Variants in C5 observed in about 807,000 individuals in gnomAD.
C5 encodes the protein C3 and PZP-like alpha-2-macroglobulin domain-containing protein 4.
Under a neutral mutation model 218.8 loss-of-function variants are expected in C5, and 140 were observed. The ratio of observed to expected loss-of-function variants is 0.64; its 90% CI spans 0.56 to 0.74. The LOEUF (loss-of-function observed/expected upper bound fraction) is 0.74. Ranked by LOEUF, C5 falls within the 30% of genes least tolerant of loss-of-function variation. The probability of loss-of-function intolerance (pLI) is 0.00; values close to 1 mark genes in which losing one functional copy is unlikely to be tolerated. For missense variants in C5, 1,700 were observed against 1,969.6 expected, an observed-to-expected ratio of 0.86 and a Z score of 2.59; for synonymous variants, 614 against 682.3, an observed-to-expected ratio of 0.90 and a Z score of 1.56.
chr9:121,016,427 TC>T, intron 14 of C5, 44 bp from the exon 15 acceptor site: 1 of 1,611,280 alleles, frequency 6.2e-7, no homozygotes, highest in Non-Finnish European at 8.5e-7. Context: ...GATGTATAAA[TC>T]ATTCCTCTAA....
At chr9:121,005,330 A>G (rs2131738138) in intron 20 of C5, among the ~76,000 whole-genome samples, 1 of 152,316 alleles carries the variant, frequency 6.6e-6, no homozygotes, top group South Asian at 2.1e-4. Context: ...GGTGAATTCT[A>G]ATCTGAACAA....
At chr9:120,963,602 GCA>G (rs749413990) in intron 34 of C5, 32 bp downstream of exon 34, 6 of 1,349,144 alleles carry the variant, frequency 4.4e-6, no homozygotes, top group Non-Finnish European at 5.3e-6. Flanking sequence ...AGAAAATGAA[GCA>G]TTCACAACAC....
intron 5 of C5, among the ~76,000 whole-genome samples, chr9:121,033,067 C>G (rs376575005): frequency 1.4e-5 from 2 of 146,264 alleles, no homozygotes; most frequent in Non-Finnish European, 3.0e-5. Flanking sequence ...TGTATACACA[C>G]ATATATATAC....
Position 121,017,744 on chromosome 9 carries a change from G to C in C5, c.1615C>G (p.Arg539Gly), listed in dbSNP as rs543940994. Reference protein sequence around the residue: ...PVTQNMVPSSRLLVYYIVTGE... With the variant: ...PVTQNMVPSSGLLVYYIVTGE... ...GTGACGATGTAATAGACCAGAAGTC[G>C]GGATGAAGGAACCATGTTCTGTGTT... Residue 539 changes from arginine (R) to glycine (G), a missense_variant, in exon 13 of 41, where the codon CGA (arginine) becomes GGA (glycine). Coordinates refer to ENST00000223642, the MANE Select transcript of C5 (RefSeq NM_001735.3). The C allele has an allele frequency of 6.2e-7, 1 of 1,611,552 alleles. No individual in the cohort carries two copies. Among genetic ancestry groups the C allele is most frequent in the Non-Finnish European group, 8.5e-7 (1 of 1,177,792 alleles).
intron 4 of C5, among the ~76,000 whole-genome samples, chr9:121,035,776 A>G (rs904130745): frequency 6.6e-6 from 1 of 151,614 alleles, no homozygotes; most frequent in Non-Finnish European, 1.5e-5. Flanking sequence ...AGGTCTCTCC[A>G]GGTTGCCCAG....
intron 16 of C5, among the ~76,000 whole-genome samples, chr9:121,014,955 T>A (rs960089767): frequency 6.6e-5 from 10 of 152,192 alleles, no homozygotes; most frequent in Non-Finnish European, 1.5e-4. Context: ...AAATAAAAGC[T>A]AATATTTTGG....
At chr9:120,960,495 GT>G (rs1440865217) in intron 37 of C5, among the ~76,000 whole-genome samples, 158 bp from the exon 38 acceptor site, 1 of 152,134 alleles carries the variant, frequency 6.6e-6, no homozygotes, top group Non-Finnish European at 1.5e-5. Context: ...CTTTCATAAA[GT>G]GAAATATTAC....
intron 18 of C5, among the ~76,000 whole-genome samples, chr9:121,008,045 A>C (rs1157250678): frequency 6.6e-6 from 1 of 152,204 alleles, no homozygotes; most frequent in Non-Finnish European, 1.5e-5. Context: ...AAACTTTAAA[A>C]AGAAAACTTT....
rs149315914 is a variant in C5, at chr9:120,978,605, T to A, written c.3658+1478A>T. On this transcript the variant is annotated intron_variant, in intron 28 of 40. Coordinates refer to ENST00000223642, the MANE Select transcript of C5 (RefSeq NM_001735.3). ...AATTTTAAAATGATGGCACAAATCA[T>A]ATTTTGTAGATGGTCATAAACCTCA... Among the ~76,000 whole-genome samples the A allele has an allele frequency of 2.4e-3, 361 of 152,342 alleles. 7 individuals carry two copies. Among genetic ancestry groups the A allele is most frequent in the Middle Eastern group, 0.01 (3 of 292 alleles).
At chr9:121,042,766 T>G (rs1055074706) in intron 3 of C5, among the ~76,000 whole-genome samples, 1 of 152,152 alleles carries the variant, frequency 6.6e-6, no homozygotes, top group African/African-American at 2.4e-5. Context: ...TGGAAATAAG[T>G]GATGGGGCAG....
At chr9:121,068,954 C>T in the C5 span, among the ~76,000 whole-genome samples, 1 of 152,136 alleles carries the variant, frequency 6.6e-6, no homozygotes, top group Non-Finnish European at 1.5e-5. Flanking sequence ...TAGATCCCTA[C>T]ATCTCCCCCT....
At chr9:121,051,387 G>A (rs1043869569), upstream of C5, among the ~76,000 whole-genome samples, 2 of 152,096 alleles carry the variant, frequency 1.3e-5, no homozygotes. Flanking sequence ...GCCTCCCAAA[G>A]TACTGGGATT....
intron 16 of C5, among the ~76,000 whole-genome samples, chr9:121,014,980 A>AG (rs2047294024): frequency 2.0e-5 from 3 of 152,226 alleles, no homozygotes; most frequent in Admixed American, 1.3e-4. Context: ...TAGAGCTTGA[A>AG]GTAATAAAGA....
intron 37 of C5, among the ~76,000 whole-genome samples, chr9:120,960,747 G>A (rs2046821264): frequency 6.6e-6 from 1 of 152,110 alleles, no homozygotes; most frequent in South Asian, 2.1e-4. Context: ...CTTCCAATGT[G>A]GCCCACTGAA....
At chr9:121,021,229 G>A (rs2047362587) in intron 11 of C5, among the ~76,000 whole-genome samples, 1 of 152,190 alleles carries the variant, frequency 6.6e-6, no homozygotes, top group Non-Finnish European at 1.5e-5. Context: ...CATGTGCACT[G>A]CTATACCTAT....
At position 121,034,845 on chromosome 9, in the gene C5, C is replaced by T. The variant is rs780480348; in HGVS notation, c.542G>A (p.Gly181Glu). The stretch of plus-strand genomic sequence containing the variant: ...CTTGAAGTCAGGAAAAGAGATAATT[C>T]CAATATGATCAATTTCTTCTACCAT... ...VDMVEEIDHI[G>E]IISFPDFKIP... The change falls in exon 5 of 41, where the codon GGA becomes GAA. Residue 181 changes from glycine (G) to glutamate (E), a missense_variant. By Grantham distance (98) the Gly-to-Glu change is moderately conservative (BLOSUM62 -2). Transcript: ENST00000223642. 1 of 1,595,456 alleles carries T rather than the reference C, an allele frequency of 6.3e-7. No homozygotes were observed. Among genetic ancestry groups the T allele is most frequent in the East Asian group, 2.2e-5 (1 of 44,764 alleles).
upstream of C5, among the ~76,000 whole-genome samples, chr9:121,052,003 T>C (rs2047674133): frequency 6.6e-6 from 1 of 152,204 alleles, no homozygotes; most frequent in Non-Finnish European, 1.5e-5. Context: ...TAAATACTGA[T>C]AACCAATATT....
intron 39 of C5, chr9:120,956,973 G>T: frequency 2.9e-6 from 1 of 348,462 alleles, no homozygotes; most frequent in Non-Finnish European, 5.6e-6. Context: ...CCCAAAACAT[G>T]CAATTTACCC....
At chr9:120,973,851 C>A (rs543998105) in intron 30 of C5, among the ~76,000 whole-genome samples, 1 of 151,924 alleles carries the variant, frequency 6.6e-6, no homozygotes, top group Non-Finnish European at 1.5e-5. Context: ...TGGTGGCAGG[C>A]GCCTATAATC....
Sources: allele counts gnomAD v4.1 joint callset (sites outside exome capture counted in the v4.1 genomes callset), GRCh38; gene constraint gnomAD v4.1.1; transcripts MANE v1.5; gene names NCBI Gene and HGNC (gene_info 2026-07-23, HGNC 2026-07-21).